Variants in ROBO1 observed in about 807,000 individuals in gnomAD.
ROBO1 encodes roundabout guidance receptor 1.
Under a neutral mutation model 195.9 loss-of-function variants are expected in ROBO1, and 149 were observed. The observed-to-expected ratio is 0.76, with a 90% confidence interval of 0.67 to 0.87. ROBO1 has a LOEUF of 0.87. Among genes scored for constraint, ROBO1 ranks in the 40% least tolerant of loss-of-function variants. ROBO1 has a pLI of 0.00. For missense variants in ROBO1, 1,933 were observed against 2,068.3 expected (o/e 0.93, Z 1.27); for synonymous variants, 816 against 733.2 (o/e 1.11, Z -1.82).
At chr3:78,870,395 CAT>C (rs1031420348) in intron 4 of ROBO1, among the ~76,000 whole-genome samples, 9 of 152,184 alleles carry the variant, frequency 5.9e-5, no homozygotes, top group African/African-American at 2.2e-4. Flanking sequence ...GTGTGTTTTC[CAT>C]GTTTCCTCTT....
At chr3:79,438,473 T>G (rs2038956187) in intron 2 of ROBO1, among the ~76,000 whole-genome samples, 1 of 152,006 alleles carries the variant, frequency 6.6e-6, no homozygotes. Flanking sequence ...AAAAAGTAGG[T>G]GTACCAAGGA....
At chr3:78,989,483 G>A (rs550777654) in intron 3 of ROBO1, among the ~76,000 whole-genome samples, 9 of 152,180 alleles carry the variant, frequency 5.9e-5, no homozygotes, top group Non-Finnish European at 8.8e-5. Flanking sequence ...GCATGGTGGC[G>A]CAAGCCTGTA....
At chr3:78,842,895 G>T (rs2033369445) in intron 4 of ROBO1, among the ~76,000 whole-genome samples, 1 of 151,676 alleles carries the variant, frequency 6.6e-6, no homozygotes, top group African/African-American at 2.4e-5. Flanking sequence ...ACTTTCAAAA[G>T]GACATTTATA....
chr3:79,278,015 A>G (rs767994918), intron 2 of ROBO1, among the ~76,000 whole-genome samples: 1 of 152,112 alleles, frequency 6.6e-6, no homozygotes, highest in Non-Finnish European at 1.5e-5. Flanking sequence ...TAGTGTTTCT[A>G]TAAACACAAA....
At chr3:79,540,774 T>C (rs1277377289) in intron 2 of ROBO1, among the ~76,000 whole-genome samples, 1 of 152,178 alleles carries the variant, frequency 6.6e-6, no homozygotes, top group Non-Finnish European at 1.5e-5. Context: ...TTTTAAATTA[T>C]ACTTTTGTGT....
intron 4 of ROBO1, among the ~76,000 whole-genome samples, chr3:78,879,089 C>A (rs143330645): frequency 1.3e-5 from 2 of 152,294 alleles, no homozygotes; most frequent in Middle Eastern, 3.4e-3. Context: ...TTCTACTATA[C>A]TTCTGCCTAA....
At chr3:79,415,779 T>C (rs1182732730) in intron 2 of ROBO1, among the ~76,000 whole-genome samples, 6 of 152,086 alleles carry the variant, frequency 3.9e-5, no homozygotes, top group African/African-American at 1.2e-4. Flanking sequence ...CTGGCAATGA[T>C]AGAAATAAAA....
chr3:79,164,516 C>T (rs1032900236), intron 2 of ROBO1, among the ~76,000 whole-genome samples: 9 of 152,108 alleles, frequency 5.9e-5, no homozygotes, highest in Non-Finnish European at 1.2e-4. Context: ...TCATCTTGAT[C>T]CAGCCCACCA....
intron 1 of ROBO1, among the ~76,000 whole-genome samples, chr3:79,667,717 T>G (rs1449148473): frequency 6.6e-6 from 1 of 151,840 alleles, no homozygotes; most frequent in South Asian, 2.1e-4. Flanking sequence ...GATGTCTTGA[T>G]CAAGCAATCA....
chr3:78,666,723 T>C (rs573147598), intron 14 of ROBO1, among the ~76,000 whole-genome samples: 1 of 152,288 alleles, frequency 6.6e-6, no homozygotes, highest in Non-Finnish European at 1.5e-5. Flanking sequence ...CTGCAAATTC[T>C]GAAACAAAAA....
chr3:79,511,898 C>T (rs935064076), intron 2 of ROBO1, among the ~76,000 whole-genome samples: 1 of 151,992 alleles, frequency 6.6e-6, no homozygotes, highest in Admixed American at 6.6e-5. Flanking sequence ...CAGAGGGGAA[C>T]AACACACACT....
chr3:79,047,347 T>G (rs556328721), intron 3 of ROBO1, among the ~76,000 whole-genome samples: 45 of 151,722 alleles, frequency 3.0e-4, no homozygotes, highest in Admixed American at 5.9e-4. Flanking sequence ...GTGAGAGGAA[T>G]GAGATATATT....
chr3:79,369,952 A>C (rs1361477023), intron 2 of ROBO1, among the ~76,000 whole-genome samples: 3 of 152,206 alleles, frequency 2.0e-5, no homozygotes, highest in African/African-American at 7.2e-5. Flanking sequence ...GATAGAAGTG[A>C]GAGATAACCC....
intron 22 of ROBO1, among the ~76,000 whole-genome samples, chr3:78,636,941 A>ATATATATATC (rs1331265619): frequency 3.1e-5 from 3 of 95,854 alleles, no homozygotes; most frequent in Admixed American, 2.8e-4. Flanking sequence ...CATTTTATAT[A>ATATATATATC]TATATATATA....
At chr3:78,708,131 T>C (rs1480174578) in intron 8 of ROBO1, among the ~76,000 whole-genome samples, 1 of 152,162 alleles carries the variant, frequency 6.6e-6, no homozygotes, top group Non-Finnish European at 1.5e-5. Flanking sequence ...GAAAGATTAA[T>C]AATGCCATCT....
intron 1 of ROBO1, among the ~76,000 whole-genome samples, chr3:79,759,672 C>G (rs991758919): frequency 6.6e-6 from 1 of 152,192 alleles, no homozygotes; most frequent in Admixed American, 6.5e-5. Context: ...TCTGGCTAAA[C>G]ATAATCCGAT....
At chr3:79,545,141 A>G (rs1208563808) in intron 2 of ROBO1, among the ~76,000 whole-genome samples, 1 of 152,208 alleles carries the variant, frequency 6.6e-6, no homozygotes, top group Non-Finnish European at 1.5e-5. Context: ...GCGTATGATC[A>G]GAAGATTAAA....
At chr3:78,828,056 A>C (rs897680742) in intron 4 of ROBO1, among the ~76,000 whole-genome samples, 4 of 152,184 alleles carry the variant, frequency 2.6e-5, no homozygotes, top group Non-Finnish European at 5.9e-5. Flanking sequence ...TATACCACCC[A>C]AATGTTTAAA....
At chr3:79,013,458 C>A (rs1196295236) in intron 3 of ROBO1, among the ~76,000 whole-genome samples, 4 of 152,076 alleles carry the variant, frequency 2.6e-5, no homozygotes, top group Admixed American at 6.5e-5. Context: ...AAATTAGAGA[C>A]CATTTTCTTA....
Sources: gnomAD v4.1 joint callset for allele counts (sites outside exome capture counted in the v4.1 genomes callset) on GRCh38, gnomAD v4.1.1 for gene constraint, MANE v1.5 for transcripts, NCBI Gene and HGNC (gene_info 2026-07-23, HGNC 2026-07-21) for gene names.